The following ZNF330 variants were observed in gnomAD, a reference collection of about 807,000 sequenced individuals.
ZNF330 encodes the protein zinc finger protein 330.
Under a neutral mutation model 45.5 loss-of-function variants are expected in ZNF330, and 31 were observed. That is an observed-to-expected ratio of 0.68 (90% CI 0.51 to 0.92). ZNF330 has a LOEUF of 0.92. Ranked by LOEUF, ZNF330 falls within the 40% of genes least tolerant of loss-of-function variation. The pLI, the probability that ZNF330 is intolerant of heterozygous loss-of-function variation, is 0.00. For synonymous variants in ZNF330, 138 were observed against 123.2 expected, an observed-to-expected ratio of 1.12 and a Z score of -0.79; for missense variants, 356 against 387.4, an observed-to-expected ratio of 0.92 and a Z score of 0.68.
intron 8 of ZNF330, among the ~76,000 whole-genome samples, chr4:141,232,280 T>C (rs1728978398): frequency 6.6e-6 from 1 of 152,146 alleles, no homozygotes; most frequent in East Asian, 1.9e-4. Context: ...CTGAAATATT[T>C]GTGAACAGCT....
chr4:141,225,119 G>A (rs1009262310), intron 4 of ZNF330, among the ~76,000 whole-genome samples: 31 of 152,044 alleles, frequency 2.0e-4, no homozygotes, highest in African/African-American at 7.0e-4. Flanking sequence ...TTTGTGATCA[G>A]TAGTTTTTGT....
At chr4:141,228,802 C>T (rs1352998678) in intron 5 of ZNF330, among the ~76,000 whole-genome samples, 1 of 139,630 alleles carries the variant, frequency 7.2e-6, no homozygotes, top group African/African-American at 3.0e-5. Context: ...AATCTCACCT[C>T]ACCTGTAATC....
Position 141,230,218 on chromosome 4 carries a change from T to TA in ZNF330, c.471_472insA (p.Gln158ThrfsTer3). On this transcript the variant is annotated frameshift_variant, in exon 7 of 10. Coordinates refer to ENST00000262990, the MANE Select transcript of ZNF330 (RefSeq NM_014487.6). LOFTEE classifies it high-confidence loss of function. ...GCCATAACTTTCTCTGTGAAGATGA[T>TA]CAATTTGAGCATCAAGCCAGCTGCC... is the stretch of plus-strand genomic sequence containing the variant. 6.2e-7 allele frequency: 1 copy of TA among 1,611,982 alleles called. No homozygotes were observed. The highest frequency in any genetic ancestry group is 8.5e-7 in the Non-Finnish European group (1 of 1,178,786).
At chr4:141,220,762 C>T (rs982799719), upstream of ZNF330, 1 of 152,324 alleles carries the variant, frequency 6.6e-6, no homozygotes, top group Non-Finnish European at 1.5e-5. Flanking sequence ...CCTATTTTCC[C>T]TCGCATTCCC....
intron 2 of ZNF330, 26 bp downstream of exon 2, chr4:141,222,517 G>C: frequency 6.2e-7 from 1 of 1,600,900 alleles, no homozygotes; most frequent in South Asian, 1.1e-5. Context: ...GATATCAGTT[G>C]GTAGTTGGAA....
intron 7 of ZNF330, among the ~76,000 whole-genome samples, chr4:141,231,195 G>C (rs1369411946): frequency 6.6e-6 from 1 of 152,004 alleles, no homozygotes; most frequent in East Asian, 1.9e-4. Flanking sequence ...CAGATTAAAA[G>C]AGCATCTCGA....
Position 141,233,766 on chromosome 4 carries a change from C to G in ZNF330, c.740C>G (p.Ala247Gly), listed in dbSNP as rs770158192. 1.9e-6 allele frequency: 3 copies of G among 1,613,494 alleles called. No individual in the cohort carries two copies. The highest frequency in any genetic ancestry group is 2.5e-6 in the Non-Finnish European group (3 of 1,179,694). The part of the protein sequence containing the change: ...RQTGGEEGDG[A>G]SGYDAYWKNL... The stretch of plus-strand genomic sequence containing the variant: ...ACTGGAGGTGAAGAGGGAGATGGAG[C>G]TTCTGGGTATGATGCTTATTGGAAG... Residue 247 changes from alanine (A) to glycine (G), a missense_variant, in exon 10 of 10, where the codon GCT becomes GGT. Coordinates refer to ENST00000262990, the MANE Select transcript of ZNF330 (RefSeq NM_014487.6).
chr4:141,229,575 C>G lies in ZNF330; in HGVS notation c.296C>G (p.Ala99Gly). 6.2e-7 allele frequency: 1 copy of G among 1,612,644 alleles called. No individual in the cohort carries two copies. Among genetic ancestry groups the G allele is most frequent in the Non-Finnish European group, 8.5e-7 (1 of 1,179,022 alleles). ...ATTCTTGTTCCTTGGTTACAGGGTG[C>G]AATATGTGACTTCTGTGAAGCTTGG... The part of the protein sequence containing the change: ...VYSTGLAMVG[A>G]ICDFCEAWVC... Residue 99 changes from alanine (A) to glycine (G), a missense_variant, in exon 6 of 10, where the codon GCA becomes GGA. Transcript: ENST00000262990.
chr4:141,223,588 AT>A (rs1382924103), intron 2 of ZNF330, among the ~76,000 whole-genome samples: 2 of 152,210 alleles, frequency 1.3e-5, no homozygotes, highest in Admixed American at 1.3e-4. Context: ...CAGGGCTAAC[AT>A]TTATTGGGGT....
At chr4:141,229,908 T>A (rs560869569) in intron 6 of ZNF330, among the ~76,000 whole-genome samples, 1 of 152,222 alleles carries the variant, frequency 6.6e-6, no homozygotes, top group South Asian at 2.1e-4. Context: ...GAAGTTGTGG[T>A]GGAGCAGGTA....
intron 9 of ZNF330, among the ~76,000 whole-genome samples, chr4:141,232,849 A>T (rs1158476512): frequency 1.3e-5 from 2 of 152,056 alleles, no homozygotes; most frequent in African/African-American, 2.4e-5. Context: ...ATTCATTTTG[A>T]TATTTGGTAT....
intron 2 of ZNF330, 89 bp from the exon 3 acceptor site, chr4:141,224,398 C>A: frequency 7.9e-7 from 1 of 1,259,902 alleles, no homozygotes; most frequent in Non-Finnish European, 1.1e-6. Context: ...TAAATTTTAA[C>A]CTGAAAAGCA....
At chr4:141,230,473 G>C (rs191711251) in intron 7 of ZNF330, among the ~76,000 whole-genome samples, 1 of 152,196 alleles carries the variant, frequency 6.6e-6, no homozygotes, top group African/African-American at 2.4e-5. Context: ...TGGCATATTG[G>C]TTGGGCCAGT....
chr4:141,225,497 C>T (rs1728782368), intron 4 of ZNF330, among the ~76,000 whole-genome samples: 1 of 150,842 alleles, frequency 6.6e-6, no homozygotes, highest in South Asian at 2.1e-4. Context: ...CATCCCCCCC[C>T]AACTTTTGAT....
intron 4 of ZNF330, among the ~76,000 whole-genome samples, chr4:141,225,776 G>C (rs1442618644): frequency 6.6e-6 from 1 of 152,050 alleles, no homozygotes; most frequent in African/African-American, 2.4e-5. Context: ...AATGAATGTA[G>C]AGTGAGGAAA....
At chr4:141,233,650 G>A (rs1275028231) in intron 9 of ZNF330, 65 bp from the exon 10 acceptor site, 1 of 1,486,146 alleles carries the variant, frequency 6.7e-7, no homozygotes, top group Non-Finnish European at 8.9e-7. Flanking sequence ...AAATTTTATA[G>A]AGGAAGATGA....
At chr4:141,225,854 C>A (rs1377118691) in intron 4 of ZNF330, among the ~76,000 whole-genome samples, 1 of 151,970 alleles carries the variant, frequency 6.6e-6, no homozygotes, top group Non-Finnish European at 1.5e-5. Context: ...TGTCTCTGGG[C>A]TTAAATTTTG....
chr4:141,228,559 G>C (rs896617956), intron 5 of ZNF330, among the ~76,000 whole-genome samples: 3 of 152,002 alleles, frequency 2.0e-5, no homozygotes, highest in Non-Finnish European at 4.4e-5. Flanking sequence ...GAACTTCCCT[G>C]TCCTCTGCAA....
rs142654927 is a variant in ZNF330, at chr4:141,227,712, A to G, written c.291+866A>G. 2.3e-3 allele frequency among the ~76,000 whole-genome samples: 352 copies of G among 152,292 alleles called. 3 individuals carry two copies. The highest frequency in any genetic ancestry group is 8.0e-3 in the African/African-American group (332 of 41,568). ...TCACAAAACAGTATTTAGTGTACCG[A>G]AAGCCCTGCTTAACCAACGTTTAAG... is the stretch of plus-strand genomic sequence containing the variant. On this transcript the variant is annotated intron_variant, in intron 5 of 9. Transcript: ENST00000262990.
Sources: allele counts gnomAD v4.1 joint callset (sites outside exome capture counted in the v4.1 genomes callset), GRCh38; gene constraint gnomAD v4.1.1; transcripts MANE v1.5; gene names NCBI Gene and HGNC (gene_info 2026-07-23, HGNC 2026-07-21).